Variants in ZNF577 observed in about 807,000 individuals in gnomAD.
ZNF577 encodes zinc finger protein 577.
A neutral mutation model predicts 13.9 loss-of-function variants in ZNF577; 14 were observed. The observed-to-expected ratio is 1.00, with a 90% CI of 0.66 to 1.57. ZNF577 has a LOEUF of 1.57. ZNF577 is among the 40% of genes most tolerant of loss of function. The probability of loss-of-function intolerance (pLI) is 0.00; values close to 1 mark genes in which losing one functional copy is unlikely to be tolerated. For synonymous variants in ZNF577, 203 were observed against 202.9 expected (o/e 1.00, Z 0.00); for missense variants, 555 against 579.2 (o/e 0.96, Z 0.43).
At chr19:51,876,954 T>A (rs913907506) in intron 5 of ZNF577, among the ~76,000 whole-genome samples, 3 of 143,856 alleles carry the variant, frequency 2.1e-5, no homozygotes, top group Non-Finnish European at 4.5e-5. Flanking sequence ...GGCAACATAA[T>A]CCAGATGGGT....
At chr19:51,839,898 A>G (rs1039250393) in exon 9 of ZNF577, 5 of 152,270 alleles carry the variant, frequency 3.3e-5, no homozygotes, top group Non-Finnish European at 5.9e-5. Context: ...CTCACCCTAC[A>G]GCTGGAGTCG....
chr19:51,821,939 GTC>G (rs1298102911), intron 9 of ZNF577, among the ~76,000 whole-genome samples: 4 of 152,194 alleles, frequency 2.6e-5, no homozygotes, highest in African/African-American at 9.7e-5. Flanking sequence ...GGTAGGAAGA[GTC>G]TCTAATTTTC....
intron 8 of ZNF577, among the ~76,000 whole-genome samples, chr19:51,841,212 G>C (rs1426265348): frequency 6.6e-6 from 1 of 152,142 alleles, no homozygotes; most frequent in African/African-American, 2.4e-5. Flanking sequence ...TGTCCCCCCA[G>C]GCCCCTCTCA....
chr19:51,814,522 C>A (rs1568430417), intron 9 of ZNF577, among the ~76,000 whole-genome samples: 1 of 152,056 alleles, frequency 6.6e-6, no homozygotes, highest in Non-Finnish European at 1.5e-5. Flanking sequence ...GAGACAGAGT[C>A]CAGCTCTGTC....
intron 3 of ZNF577, among the ~76,000 whole-genome samples, chr19:51,879,999 T>C (rs2084835486): frequency 6.6e-6 from 1 of 152,170 alleles, no homozygotes; most frequent in South Asian, 2.1e-4. Context: ...ATAACAAAAA[T>C]CTGGATGAGA....
chr19:51,870,412 A>G lies in ZNF577; in HGVS notation c.*2120T>C, dbSNP rs1883829062. ...TATGGCCTTTTCATGGCTTGCATGT[A>G]TGCTTTGTGAGGAGAGTTCGAGGCA... On this transcript the variant is annotated 3_prime_UTR_variant, in exon 6 of 6. Transcript: ENST00000638348. Among the ~76,000 whole-genome samples, 1 of 152,052 alleles carries G rather than the reference A, an allele frequency of 6.6e-6. No homozygotes were observed. Among genetic ancestry groups the G allele is most frequent in the Admixed American group, 6.6e-5 (1 of 15,266 alleles).
chr19:51,810,993 G>A (rs2084092834), intron 10 of ZNF577, among the ~76,000 whole-genome samples: 1 of 152,166 alleles, frequency 6.6e-6, no homozygotes, highest in Non-Finnish European at 1.5e-5. Flanking sequence ...TTCTGCAACT[G>A]GAGGAGGCTG....
intron 10 of ZNF577, among the ~76,000 whole-genome samples, chr19:51,807,989 CA>C (rs1242047782): frequency 2.0e-5 from 3 of 152,224 alleles, no homozygotes; most frequent in Non-Finnish European, 4.4e-5. Flanking sequence ...TAAACTGGCC[CA>C]AAAGTCCTGT....
chr19:51,854,659 G>C (rs1033119879), intron 5 of ZNF577, among the ~76,000 whole-genome samples: 2 of 151,764 alleles, frequency 1.3e-5, no homozygotes, highest in Non-Finnish European at 2.9e-5. Context: ...GACCTTCTCA[G>C]ATGGACGGAA....
rs765683151 is a variant in ZNF577 at position 51,877,413 on chromosome 19, T to C, written c.188-36A>G. 1.9e-6 allele frequency: 3 copies of C among 1,560,198 alleles called. No individual in the cohort carries two copies. In the East Asian group the frequency reaches 6.7e-5, roughly 35 times the overall value. On this transcript the variant is annotated intron_variant, in intron 4 of 5. Coordinates refer to ENST00000638348, the MANE Select transcript of ZNF577 (RefSeq NM_001370449.1). ...GAGATCACTGAACACTTGGCACGTG[T>C]GCTTGGGGAATGGATGAAGATGGAG...
At chr19:51,879,147 C>T (rs745401696) in intron 3 of ZNF577, among the ~76,000 whole-genome samples, 8 of 151,752 alleles carry the variant, frequency 5.3e-5, no homozygotes, top group Non-Finnish European at 7.4e-5. Flanking sequence ...GTCCCAGCGA[C>T]TTGGGAGGCT....
chr19:51,880,181 C>T, intron 3 of ZNF577, 142 bp downstream of exon 3: 1 of 885,232 alleles, frequency 1.1e-6, no homozygotes, highest in South Asian at 1.5e-5. Flanking sequence ...TACTCCTTAG[C>T]TTACCCCACT....
Position 51,824,263 on chromosome 19 carries a change from G to A in ZNF577, c.*600-12589C>T, listed in dbSNP as rs918562779. On this transcript the variant is annotated intron_variant and NMD_transcript_variant, in intron 9 of 10. Coordinates refer to the ZNF577 transcript ENST00000638827. The surrounding 1 kb of genome is among the most constrained non-coding windows in gnomAD (Gnocchi z 4.7). ...TGGACTACAATAAGTACTACGAATGGGGACACATACTGTATTTTCAACTTT... is the reference window on the plus strand; with the variant it reads ...TGGACTACAATAAGTACTACGAATGAGGACACATACTGTATTTTCAACTTT... 15 of 1,613,986 alleles carry A rather than the reference G, an allele frequency of 9.3e-6. No individual in the cohort carries two copies. Among genetic ancestry groups the A allele is most frequent in the Non-Finnish European group, 1.3e-5 (15 of 1,180,014 alleles).
At chr19:51,880,183 T>C in intron 3 of ZNF577, 140 bp downstream of exon 3, 1 of 892,002 alleles carries the variant, frequency 1.1e-6, no homozygotes, top group Non-Finnish European at 1.8e-6. Context: ...CTCCTTAGCT[T>C]ACCCCACTAA....
intron 10 of ZNF577, among the ~76,000 whole-genome samples, chr19:51,808,153 G>A (rs1264888472): frequency 4.6e-5 from 7 of 152,330 alleles, no homozygotes; most frequent in Admixed American, 3.9e-4. Flanking sequence ...GAATCTCCGT[G>A]CAGGGTTTGG....
chr19:51,859,997 T>C (rs1445138373), intron 5 of ZNF577, among the ~76,000 whole-genome samples: 1 of 152,148 alleles, frequency 6.6e-6, no homozygotes, highest in African/African-American at 2.4e-5. Context: ...AAAGGAATAT[T>C]TGACAATGAA....
Position 51,824,159 on chromosome 19 carries a change from C to G in ZNF577, c.*600-12485G>C, listed in dbSNP as rs773248236. The G allele has an allele frequency of 6.2e-7, 1 of 1,613,936 alleles. No individual in the cohort carries two copies. The highest frequency in any genetic ancestry group is 1.1e-5 in the South Asian group (1 of 91,050). Reference sequence around the variant, plus strand: ...ATCCAGCCTGGGCCCAGAACCATCGCACCATGAGTCTGGCCAAGAGGGTGA... The same window carrying G: ...ATCCAGCCTGGGCCCAGAACCATCGGACCATGAGTCTGGCCAAGAGGGTGA... On this transcript the variant is annotated intron_variant and NMD_transcript_variant, in intron 9 of 10. Transcript: ENST00000638827. The surrounding 1 kb of genome is among the most constrained non-coding windows in gnomAD (Gnocchi z 4.7).
At chr19:51,861,289 T>G (rs1027106408) in intron 5 of ZNF577, 2 of 158,648 alleles carry the variant, frequency 1.3e-5, no homozygotes, top group Non-Finnish European at 2.7e-5. Flanking sequence ...GGCTATTTGT[T>G]TTTTTTTTTT....
intron 9 of ZNF577, among the ~76,000 whole-genome samples, chr19:51,837,043 C>CA (rs766829761): frequency 0.1 from 7,675 of 76,652 alleles, 290 homozygotes; most frequent in East Asian, 0.22. Flanking sequence ...GACTCTGTCT[C>CA]AAAAAAAAAA....
Sources: allele counts gnomAD v4.1 joint callset (sites outside exome capture counted in the v4.1 genomes callset), GRCh38; gene constraint gnomAD v4.1.1; non-coding constraint Gnocchi (gnomAD v3.1); transcripts MANE v1.5; gene names NCBI Gene and HGNC (gene_info 2026-07-23, HGNC 2026-07-21).